The following MED15 variants were observed in gnomAD, a reference collection of about 807,000 sequenced individuals.
MED15 encodes mediator complex subunit 15.
A neutral mutation model predicts 118.7 loss-of-function variants in MED15; 41 were observed. The ratio of observed to expected loss-of-function variants is 0.35; its 90% CI spans 0.27 to 0.45. The LOEUF (loss-of-function observed/expected upper bound fraction) is 0.45, where lower values mean the gene tolerates loss of function less well. MED15 is among the 20% of genes least tolerant of loss of function. The pLI, the probability that MED15 is intolerant of heterozygous loss-of-function variation, is 1.00. For synonymous variants in MED15, 436 were observed against 413.9 expected, an observed-to-expected ratio of 1.05 and a Z score of -0.65; for missense variants, 740 against 1,025.5, an observed-to-expected ratio of 0.72 and a Z score of 3.80.
intron 1 of MED15, among the ~76,000 whole-genome samples, chr22:20,521,700 T>A (rs1391148920): frequency 1.3e-5 from 1 of 76,132 alleles, no homozygotes. Flanking sequence ...CTGGCCTTAT[T>A]TATTTATTTA....
intron 1 of MED15, among the ~76,000 whole-genome samples, chr22:20,522,403 C>T (rs1028012342): frequency 6.6e-6 from 1 of 151,466 alleles, no homozygotes; most frequent in Non-Finnish European, 1.5e-5. Flanking sequence ...TTTGAATGCA[C>T]GCTGAAATTT....
At chr22:20,527,301 T>C (rs974438996) in intron 1 of MED15, among the ~76,000 whole-genome samples, 2 of 152,206 alleles carry the variant, frequency 1.3e-5, no homozygotes, top group African/African-American at 4.8e-5. Flanking sequence ...CTCAATTTTT[T>C]CTTTGACCTT....
At chr22:20,559,013 G>A (rs1027881976) in intron 5 of MED15, among the ~76,000 whole-genome samples, 7 of 152,066 alleles carry the variant, frequency 4.6e-5, no homozygotes, top group Admixed American at 6.6e-5. Flanking sequence ...GTGGAGAGCC[G>A]GGCACAGTGG....
At chr22:20,528,119 C>G (rs2054723842) in intron 1 of MED15, among the ~76,000 whole-genome samples, 1 of 152,106 alleles carries the variant, frequency 6.6e-6, no homozygotes, top group African/African-American at 2.4e-5. Context: ...TTACTCTTTT[C>G]TTGTGGGGTC....
At chr22:20,518,019 T>G (rs1001852674) in intron 1 of MED15, among the ~76,000 whole-genome samples, 2 of 123,684 alleles carry the variant, frequency 1.6e-5, no homozygotes, top group Admixed American at 1.5e-4. Flanking sequence ...AGACCAACAG[T>G]GGGAGCTTGG....
At chr22:20,575,365 T>G in intron 9 of MED15, 133 bp downstream of exon 9, 10 of 1,130,978 alleles carry the variant, frequency 8.8e-6, no homozygotes, top group South Asian at 1.9e-5. Flanking sequence ...AAACCCACAG[T>G]CCCTTTTTTT....
rs755341346 is a variant in MED15 at position 20,507,655 on chromosome 22, G to A, written c.-24G>A. 5 of 1,613,714 alleles carry A rather than the reference G, an allele frequency of 3.1e-6. No homozygotes were observed. Among genetic ancestry groups the A allele is most frequent in the Non-Finnish European group, 4.2e-6 (5 of 1,179,838 alleles). On this transcript the variant is annotated 5_prime_UTR_variant, in exon 1 of 18. Coordinates refer to ENST00000263205, the MANE Select transcript of MED15 (RefSeq NM_001003891.3). ...GGCGGTGGCGGCCAAGCGGGATACG[G>A]GCGGCGGGAGCTGGGGAACAGGCAT... is the stretch of plus-strand genomic sequence containing the variant.
chr22:20,547,492 C>T (rs1257708536), intron 2 of MED15, among the ~76,000 whole-genome samples: 1 of 152,224 alleles, frequency 6.6e-6, no homozygotes, highest in South Asian at 2.1e-4. Flanking sequence ...AAAGACAAGC[C>T]GGCCAACATG....
intron 1 of MED15, among the ~76,000 whole-genome samples, chr22:20,509,215 G>A (rs140438830): frequency 1.1e-3 from 168 of 152,188 alleles, no homozygotes; most frequent in Admixed American, 2.1e-3. Flanking sequence ...TTTAGTGGGG[G>A]TGTTGTGCCA....
At chr22:20,513,221 G>A (rs146535786) in intron 1 of MED15, among the ~76,000 whole-genome samples, 71 of 151,804 alleles carry the variant, frequency 4.7e-4, no homozygotes, top group Admixed American at 2.0e-3. Flanking sequence ...AGTGTACATT[G>A]TGAAGCTCTG....
chr22:20,532,685 G>A, intron 1 of MED15, among the ~76,000 whole-genome samples: 1 of 152,194 alleles, frequency 6.6e-6, no homozygotes, highest in East Asian at 1.9e-4. Context: ...CTCAGCTAGA[G>A]CGAGCACCAC....
intron 8 of MED15, chr22:20,573,551 G>A (rs1446715135): frequency 6.6e-6 from 1 of 152,242 alleles, no homozygotes; most frequent in Non-Finnish European, 1.5e-5. Context: ...TCTCTGGGTA[G>A]ATGTGTGTTG....
rs187970157 is a variant in MED15 at position 20,558,950 on chromosome 22, C to T, written c.451+3802C>T. Reference sequence around the variant, plus strand: ...AGACACATGTAGGCATGCCCAGTGACCACACACACAGGAACTGTTAGTTAT... The same window carrying T: ...AGACACATGTAGGCATGCCCAGTGATCACACACACAGGAACTGTTAGTTAT... On this transcript the variant is annotated intron_variant, in intron 5 of 17. Coordinates refer to ENST00000263205, the MANE Select transcript of MED15 (RefSeq NM_001003891.3). Among the ~76,000 whole-genome samples the T allele has an allele frequency of 2.0e-5, 3 of 152,224 alleles. No individual in the cohort carries two copies. The East Asian group carries it at 5.8e-4, about 29-fold the overall frequency.
chr22:20,586,696 G>T lies in MED15; in HGVS notation c.2359G>T (p.Ala787Ser), dbSNP rs192604854. The change falls in exon 18 of 18, where the codon GCC becomes TCC. Residue 787 changes from alanine (A) to serine (S), a missense_variant. Ala to Ser is a moderately conservative substitution (Grantham distance 99, BLOSUM62 1). This residue lies in a region of MED15 where 179 missense variants were observed against 259.0 expected (regional missense o/e 0.69). Transcript: ENST00000263205. ...GAGCGTCCACCAGGCCTGCCTCTCA[G>T]CCGCCTAGCCAAGACTGCAGGGATG... ...AQSVHQACLS[A>S]A 4 of 1,612,456 alleles carry T rather than the reference G, an allele frequency of 2.5e-6. No individual in the cohort carries two copies. The East Asian group carries it at 8.9e-5, about 36-fold the overall frequency.
At chr22:20,567,602 C>T (rs1002939415) in intron 7 of MED15, among the ~76,000 whole-genome samples, 1 of 152,202 alleles carries the variant, frequency 6.6e-6, no homozygotes, top group Non-Finnish European at 1.5e-5. Context: ...CACTGCCTGA[C>T]CCCGGGGACT....
chr22:20,532,048 G>A (rs1057438635), intron 1 of MED15, among the ~76,000 whole-genome samples: 2 of 152,204 alleles, frequency 1.3e-5, no homozygotes, highest in African/African-American at 4.8e-5. Flanking sequence ...CTGGTGAGGA[G>A]CGAGGCTCAA....
intron 1 of MED15, among the ~76,000 whole-genome samples, chr22:20,535,784 C>T (rs574689527): frequency 2.0e-4 from 31 of 151,816 alleles, no homozygotes; most frequent in Non-Finnish European, 4.0e-4. Context: ...TGGTCGTGCT[C>T]GCCTGACCTC....
chr22:20,524,351 T>C (rs118178118), intron 1 of MED15: 1 of 152,374 alleles, frequency 6.6e-6, no homozygotes, highest in East Asian at 1.9e-4. Context: ...TGTAGCTGTC[T>C]AGAGACCTAG....
At chr22:20,569,710 G>A (rs2056573597) in intron 8 of MED15, among the ~76,000 whole-genome samples, 1 of 152,164 alleles carries the variant, frequency 6.6e-6, no homozygotes, top group Non-Finnish European at 1.5e-5. Flanking sequence ...ATGACTTGGG[G>A]CCAGGGTCCC....
Sources: gnomAD v4.1 joint callset for allele counts (sites outside exome capture counted in the v4.1 genomes callset) on GRCh38, gnomAD v4.1.1 for gene constraint, gnomAD v4.1.1 regional missense constraint, MANE v1.5 for transcripts, NCBI Gene and HGNC (gene_info 2026-07-23, HGNC 2026-07-21) for gene names.